PCDHAC1: variants seen among roughly 807,000 people sequenced by gnomAD.
PCDHAC1 encodes the protein protocadherin alpha-C1.
PCDHAC1 carries 42 observed loss-of-function variants against 60.0 expected under a neutral mutation model. The observed-to-expected ratio is 0.70, with a 90% CI of 0.55 to 0.90. PCDHAC1 has a LOEUF of 0.90. Among genes scored for constraint, PCDHAC1 ranks in the 40% least tolerant of loss-of-function variants. The probability of loss-of-function intolerance (pLI) is 0.00; values close to 1 mark genes in which losing one functional copy is unlikely to be tolerated. For missense variants in PCDHAC1, 1,160 were observed against 1,222.3 expected (o/e 0.95, Z 0.76); for synonymous variants, 468 against 499.3 (o/e 0.94, Z 0.84).
intron 1 of PCDHAC1, among the ~76,000 whole-genome samples, chr5:140,975,386 G>A (rs2096665314): frequency 6.6e-6 from 1 of 152,252 alleles, no homozygotes; most frequent in Admixed American, 6.5e-5. Flanking sequence ...ATGGGAATAA[G>A]ATCCATCACA....
At chr5:140,941,211 C>CTT (rs59928198) in intron 1 of PCDHAC1, among the ~76,000 whole-genome samples, 19 of 129,722 alleles carry the variant, frequency 1.5e-4, no homozygotes, top group African/African-American at 5.2e-4. Flanking sequence ...TCCTTTCTTT[C>CTT]TTCCTTTCTT....
At chr5:140,972,197 A>G (rs2096524584) in intron 1 of PCDHAC1, among the ~76,000 whole-genome samples, 1 of 152,100 alleles carries the variant, frequency 6.6e-6, no homozygotes. Context: ...GCTGGAGTAT[A>G]GGTGTGAATA....
At chr5:140,966,764 G>T in intron 1 of PCDHAC1, 1 of 1,475,264 alleles carries the variant, frequency 6.8e-7, no homozygotes, top group Non-Finnish European at 9.0e-7. Context: ...GCGGCCAGTG[G>T]CTATGGAGCA....
At chr5:140,980,437 C>G (rs1586844281) in intron 2 of PCDHAC1, among the ~76,000 whole-genome samples, 1 of 152,156 alleles carries the variant, frequency 6.6e-6, no homozygotes, top group Admixed American at 6.5e-5. Flanking sequence ...CGAGACCATC[C>G]TGGACAACAC....
At chr5:140,936,449 C>A (rs1245206418) in intron 1 of PCDHAC1, among the ~76,000 whole-genome samples, 1 of 152,174 alleles carries the variant, frequency 6.6e-6, no homozygotes, top group African/African-American at 2.4e-5. Context: ...ATAACCACAT[C>A]TGTTTAGTGG....
intron 3 of PCDHAC1, among the ~76,000 whole-genome samples, chr5:141,000,391 C>CTATATA (rs2097912428): frequency 7.1e-5 from 4 of 56,662 alleles, no homozygotes; most frequent in Non-Finnish European, 1.2e-4. Flanking sequence ...CTCTCTCTCT[C>CTATATA]TCTCTATATA....
chr5:140,985,298 C>T (rs770798262), intron 3 of PCDHAC1, among the ~76,000 whole-genome samples: 1 of 152,124 alleles, frequency 6.6e-6, no homozygotes, highest in Non-Finnish European at 1.5e-5. Context: ...ATAGTGTTGG[C>T]TGATAGCCTG....
chr5:140,954,184 T>C (rs2094994216), intron 1 of PCDHAC1, among the ~76,000 whole-genome samples: 1 of 152,236 alleles, frequency 6.6e-6, no homozygotes, highest in Non-Finnish European at 1.5e-5. Flanking sequence ...CAGTCTATCA[T>C]TGATGGGCAT....
At chr5:140,971,181 C>T (rs1364149664) in intron 1 of PCDHAC1, among the ~76,000 whole-genome samples, 1 of 152,104 alleles carries the variant, frequency 6.6e-6, no homozygotes, top group Non-Finnish European at 1.5e-5. Context: ...AGCTGTAAGC[C>T]GGAAGCTCAG....
At chr5:140,966,962 G>T (rs370831122) in intron 1 of PCDHAC1, 4 of 1,602,632 alleles carry the variant, frequency 2.5e-6, no homozygotes, top group Non-Finnish European at 3.4e-6. Context: ...TCGCGCGCTG[G>T]GGCTTGAGCT....
intron 1 of PCDHAC1, chr5:140,930,201 A>G (rs1185112868): frequency 6.6e-6 from 1 of 152,178 alleles, no homozygotes; most frequent in Non-Finnish European, 1.5e-5. Flanking sequence ...TTATGTCAGA[A>G]ATATTTATGT....
rs2098416866 is a variant in PCDHAC1, at chr5:141,010,297, G to C, written c.*360G>C. 3 of 1,549,050 alleles carry C rather than the reference G, an allele frequency of 1.9e-6. No individual in the cohort carries two copies. The South Asian group carries it at 3.6e-5, about 19-fold the overall frequency. On this transcript the variant is annotated 3_prime_UTR_variant, in exon 4 of 4. Transcript: ENST00000253807. ...TGTCTTGATGACACTTGCAGGGCAGGCTGAAAAGTTTTGAGATTGAGCAGC... is the reference window on the plus strand; with the variant it reads ...TGTCTTGATGACACTTGCAGGGCAGCCTGAAAAGTTTTGAGATTGAGCAGC...
intron 1 of PCDHAC1, chr5:140,967,882 C>T (rs1323816592): frequency 1.2e-6 from 2 of 1,614,108 alleles, no homozygotes. Context: ...ACCTGTATAG[C>T]CCAGTGCCTG....
In PCDHAC1 at chr5:141,011,905, G is replaced by C. The variant is rs1400272126; in HGVS notation, c.*1968G>C. 4 of 153,222 alleles carry C rather than the reference G, an allele frequency of 2.6e-5. No individual in the cohort carries two copies. Among genetic ancestry groups the C allele is most frequent in the African/African-American group, 9.7e-5 (4 of 41,224 alleles). The allele number at this position is 153,222 out of a possible 1,614,324, so 9.5% of individuals were successfully genotyped here. A position where few individuals can be genotyped will look rare whatever the true frequency, so the allele number is the denominator to read the frequency against. ...TTGATTAATTATATTATCTATTTAG[G>C]CATTAATATAAAAGAGGTAGGAGTC... On this transcript the variant is annotated 3_prime_UTR_variant, in exon 4 of 4. Coordinates refer to ENST00000253807, the MANE Select transcript of PCDHAC1 (RefSeq NM_018898.5).
Position 140,969,610 on chromosome 5 carries a change from G to A in PCDHAC1, c.2434-9339G>A, listed in dbSNP as rs1468528731. 9 of 723,424 alleles carry A rather than the reference G, an allele frequency of 1.2e-5. No individual in the cohort carries two copies. In the African/African-American group the frequency reaches 1.4e-4, roughly 11 times the overall value. The allele number at this position is 723,424 out of a possible 1,614,324, so 44.8% of individuals were successfully genotyped here. On this transcript the variant is annotated intron_variant, in intron 1 of 3. Transcript: ENST00000253807. ...TCTTAATATTTAATGCTAAAACACA[G>A]ATTTGTAGAGAAACAGGACAGGCCT...
intron 1 of PCDHAC1, chr5:140,930,401 T>G (rs1554207785): frequency 6.6e-6 from 1 of 152,210 alleles, no homozygotes; most frequent in African/African-American, 2.4e-5. Context: ...TTCTTTTTTT[T>G]TTTTGAGACA....
Position 141,009,792 on chromosome 5 carries a change from C to G in PCDHAC1, c.2747C>G (p.Pro916Arg), listed in dbSNP as rs1359138927. ...SPAIISIRQEPTNSQIDKSDF... is the reference protein window; with the variant it reads ...SPAIISIRQERTNSQIDKSDF... ...GCAATCATCTCCATCCGGCAGGAGC[C>G]TACTAACAGCCAAATTGACAAAAGT... The change falls in exon 4 of 4, where the codon CCT (proline) becomes CGT (arginine). Residue 916 changes from proline (P) to arginine (R), a missense_variant. Physicochemically the swap from Pro to Arg is moderately radical, Grantham distance 103. Coordinates refer to ENST00000253807, the MANE Select transcript of PCDHAC1 (RefSeq NM_018898.5). The G allele has an allele frequency of 4.3e-6, 7 of 1,613,950 alleles. 1 individual carries two copies. Among genetic ancestry groups the G allele is most frequent in the Middle Eastern group, 3.3e-4 (2 of 6,084 alleles).
chr5:140,949,880 A>G (rs1448161802), intron 1 of PCDHAC1, among the ~76,000 whole-genome samples: 1 of 151,692 alleles, frequency 6.6e-6, no homozygotes, highest in African/African-American at 2.4e-5. Flanking sequence ...TTATTTGGGT[A>G]TTCCTCAGAA....
intron 1 of PCDHAC1, chr5:140,968,416 G>A: frequency 1.2e-6 from 2 of 1,613,992 alleles, no homozygotes; most frequent in Non-Finnish European, 1.7e-6. Context: ...TGACTGTGGA[G>A]GCTCAGGACA....
Sources: allele counts gnomAD v4.1 joint callset (sites outside exome capture counted in the v4.1 genomes callset), GRCh38; gene constraint gnomAD v4.1.1; transcripts MANE v1.5; gene names NCBI Gene and HGNC (gene_info 2026-07-23, HGNC 2026-07-21).